Variants in HYCC1 observed in about 807,000 individuals in gnomAD.
HYCC1 encodes the protein hyccin.
At chr7:22,910,361 T>TC in the HYCC1 span, among the ~76,000 whole-genome samples, 9 of 152,216 alleles carry the variant, frequency 5.9e-5, no homozygotes, top group East Asian at 1.7e-3. Context: ...ACATGCCTGC[T>TC]CCCCCTTCAC....
chr7:22,953,673 A>G, the HYCC1 span, among the ~76,000 whole-genome samples: 1 of 151,740 alleles, frequency 6.6e-6, no homozygotes, highest in Admixed American at 6.6e-5. Flanking sequence ...GTAATCTAAT[A>G]TTTCCTAATA....
the HYCC1 span, among the ~76,000 whole-genome samples, chr7:22,999,616 T>C: frequency 2.6e-5 from 4 of 151,992 alleles, no homozygotes; most frequent in African/African-American, 4.8e-5. Context: ...AGAGTCAGAG[T>C]AAGAGCAAAG....
chr7:22,900,372 A>G, the HYCC1 span, among the ~76,000 whole-genome samples: 5 of 152,190 alleles, frequency 3.3e-5, no homozygotes, highest in Admixed American at 2.0e-4. Context: ...AGAATCCCCT[A>G]TTTCAGTGTA....
the HYCC1 span, among the ~76,000 whole-genome samples, chr7:23,013,469 AGAG>A: frequency 1.3e-5 from 2 of 152,150 alleles, no homozygotes; most frequent in Non-Finnish European, 2.9e-5. Context: ...CGCGAGTGGG[AGAG>A]GAGGCAGAGG....
At chr7:22,993,276 G>A in the HYCC1 span, among the ~76,000 whole-genome samples, 1 of 152,164 alleles carries the variant, frequency 6.6e-6, no homozygotes, top group Non-Finnish European at 1.5e-5. Flanking sequence ...ATTGTGAACA[G>A]TAAACCATAA....
the HYCC1 span, among the ~76,000 whole-genome samples, chr7:23,003,140 G>A: frequency 6.6e-6 from 1 of 152,066 alleles, no homozygotes; most frequent in African/African-American, 2.4e-5. Context: ...TTTTGGATGG[G>A]ACACAATGCA....
At chr7:22,970,533 T>C in the HYCC1 span, among the ~76,000 whole-genome samples, 12 of 152,308 alleles carry the variant, frequency 7.9e-5, no homozygotes, top group African/African-American at 2.6e-4. Flanking sequence ...TACAGTGTTA[T>C]GAGTGCTACA....
chr7:22,961,156 T>C, the HYCC1 span: 30 of 787,330 alleles, frequency 3.8e-5, no homozygotes, highest in Non-Finnish European at 6.1e-5. Flanking sequence ...ATTAATAAAC[T>C]ATGAATGGCT....
At chr7:22,983,527 T>C in the HYCC1 span, among the ~76,000 whole-genome samples, 1 of 152,204 alleles carries the variant, frequency 6.6e-6, no homozygotes, top group African/African-American at 2.4e-5. Context: ...CTTGTGCTTA[T>C]CCGTAGACTG....
At chr7:22,990,791 C>T in the HYCC1 span, among the ~76,000 whole-genome samples, 1 of 152,140 alleles carries the variant, frequency 6.6e-6, no homozygotes, top group Non-Finnish European at 1.5e-5. Flanking sequence ...ATGACATCAA[C>T]ATTCAGAGAC....
the HYCC1 span, among the ~76,000 whole-genome samples, chr7:23,002,377 ACAT>A: frequency 6.6e-6 from 1 of 151,922 alleles, no homozygotes; most frequent in Non-Finnish European, 1.5e-5. Flanking sequence ...GCTCAAATCA[ACAT>A]CATATTAAAA....
chr7:22,997,217 CAT>C, the HYCC1 span, among the ~76,000 whole-genome samples: 2 of 152,088 alleles, frequency 1.3e-5, no homozygotes, highest in Non-Finnish European at 2.9e-5. Flanking sequence ...AGACATATAA[CAT>C]TTTAATTATT....
the HYCC1 span, chr7:22,936,390 C>T: frequency 6.6e-6 from 1 of 152,248 alleles, no homozygotes; most frequent in East Asian, 1.9e-4. Context: ...CCTGTGTAGC[C>T]CTATCCTTCC....
At chr7:23,008,504 T>A in the HYCC1 span, among the ~76,000 whole-genome samples, 53 of 151,954 alleles carry the variant, frequency 3.5e-4, no homozygotes, top group Middle Eastern at 3.2e-3. Context: ...TCCAGTGAGG[T>A]TCTTTTAGGA....
At chr7:22,989,030 T>C in the HYCC1 span, among the ~76,000 whole-genome samples, 11 of 152,266 alleles carry the variant, frequency 7.2e-5, no homozygotes, top group African/African-American at 2.2e-4. Context: ...AGATCAGTCA[T>C]GGTTTTCCAT....
At chr7:23,013,100 TCA>T in the HYCC1 span, among the ~76,000 whole-genome samples, 1 of 152,176 alleles carries the variant, frequency 6.6e-6, no homozygotes, top group Non-Finnish European at 1.5e-5. Flanking sequence ...ATGTCTAAAC[TCA>T]CAAAGCACAC....
the HYCC1 span, among the ~76,000 whole-genome samples, chr7:22,919,285 T>C: frequency 6.8e-4 from 104 of 152,178 alleles, 1 homozygote; most frequent in Non-Finnish European, 1.4e-3. Context: ...TCCCAGCATT[T>C]TGGGAGGCCA....
At chr7:23,005,255 CAACAAGTTACTTA>C in the HYCC1 span, among the ~76,000 whole-genome samples, 1 of 152,144 alleles carries the variant, frequency 6.6e-6, no homozygotes, top group African/African-American at 2.4e-5. Context: ...GGCCAATTTT[CAACAAGTTACTTA>C]AACTTTCTAA....
chr7:22,999,614 A>G, the HYCC1 span, among the ~76,000 whole-genome samples: 4 of 152,174 alleles, frequency 2.6e-5, no homozygotes, highest in African/African-American at 9.7e-5. Flanking sequence ...GCAGAGTCAG[A>G]GTAAGAGCAA....
Sources: allele counts gnomAD v4.1 joint callset (sites outside exome capture counted in the v4.1 genomes callset), GRCh38; gene constraint gnomAD v4.1.1; transcripts MANE v1.5; gene names NCBI Gene and HGNC (gene_info 2026-07-23, HGNC 2026-07-21).